The following TFR2 variants were observed in gnomAD, a reference collection of about 807,000 sequenced individuals.
The protein encoded by TFR2 is transferrin receptor protein 2.
Under a neutral mutation model 91.9 loss-of-function variants are expected in TFR2, and 64 were observed. That is an observed-to-expected ratio of 0.70 (90% CI 0.57 to 0.86). TFR2 has a LOEUF of 0.86. Among genes scored for constraint, TFR2 ranks in the 40% least tolerant of loss-of-function variants. TFR2 has a pLI of 0.00. For missense variants in TFR2, 950 were observed against 1,080.5 expected, an observed-to-expected ratio of 0.88 and a Z score of 1.69; for synonymous variants, 454 against 459.6, an observed-to-expected ratio of 0.99 and a Z score of 0.15.
rs912723491 is a variant in TFR2 at position 100,641,078 on chromosome 7, G to A, written c.184C>T (p.Leu62=). ...TTTGGCTGCCTGGGTCTAGAGCCCA[G>A]GGGCTCAGGGCCCCTCAGCTCCATG... ...CPMELRGPEP[L]GSRPRQPNLI... is the part of the protein sequence containing the mutation. The change falls in exon 2 of 18, where the codon CTG becomes TTG. Residue 62 remains leucine, a synonymous_variant. Transcript: ENST00000223051. 6.2e-6 allele frequency: 10 copies of A among 1,602,160 alleles called. No homozygotes were observed. The African/African-American group carries it at 1.3e-4, about 22-fold the overall frequency.
At chr7:100,631,135 TC>T in intron 8 of TFR2, 83 bp from the exon 9 acceptor site, 1 of 1,392,866 alleles carries the variant, frequency 7.2e-7, no homozygotes. Context: ...TTTCTTTCCC[TC>T]CCACCCTTTC....
At chr7:100,621,736 C>T (rs1205914248) in intron 17 of TFR2, among the ~76,000 whole-genome samples, 2 of 152,150 alleles carry the variant, frequency 1.3e-5, no homozygotes, top group Admixed American at 6.5e-5. Flanking sequence ...AGCCCAGAGA[C>T]GAAGGTCAAG....
At chr7:100,629,427 G>C (rs527570302) in intron 9 of TFR2, 55 bp from the exon 10 acceptor site, 6 of 1,609,230 alleles carry the variant, frequency 3.7e-6, no homozygotes, top group Non-Finnish European at 5.1e-6. Context: ...CACCCTGGGG[G>C]CATCCTCCAT....
chr7:100,621,987 G>A lies in TFR2; in HGVS notation c.2137-861C>T, dbSNP rs530122152. Among the ~76,000 whole-genome samples the A allele has an allele frequency of 9.5e-4, 144 of 152,186 alleles. 2 individuals carry two copies. Among genetic ancestry groups the A allele is most frequent in the East Asian group, 6.0e-3 (31 of 5,180 alleles). ...ATTAAATTATCATTGCCTGGGCACC[G>A]CCCCAGTAAAATCAGAATCTCTAGG... is the stretch of plus-strand genomic sequence containing the variant. On this transcript the variant is annotated intron_variant, in intron 17 of 17. Transcript: ENST00000223051.
At chr7:100,639,523 G>A (rs1455905603) in intron 3 of TFR2, among the ~76,000 whole-genome samples, 3 of 151,216 alleles carry the variant, frequency 2.0e-5, no homozygotes, top group African/African-American at 4.9e-5. Flanking sequence ...AATAGGCAAG[G>A]ATACCTACTG....
At chr7:100,639,200 T>C (rs1277506508) in intron 3 of TFR2, among the ~76,000 whole-genome samples, 2 of 152,070 alleles carry the variant, frequency 1.3e-5, no homozygotes, top group East Asian at 3.9e-4. Flanking sequence ...ACCCTGTCTC[T>C]ACTAAAAAAT....
At chr7:100,627,128 G>A (rs1243543601) in intron 16 of TFR2, 136 bp downstream of exon 16, 7 of 1,243,800 alleles carry the variant, frequency 5.6e-6, no homozygotes, top group East Asian at 2.5e-5. Context: ...CTGGGAGACT[G>A]GAGGCAGGGG....
chr7:100,626,278 C>T lies in TFR2; in HGVS notation c.2136+485G>A, dbSNP rs370371027. ...GGAATAAGCTCTTGTTTAACTTTCACGTGACACCTCCTCCAGGCAGCCTTT... is the reference window on the plus strand; with the variant it reads ...GGAATAAGCTCTTGTTTAACTTTCATGTGACACCTCCTCCAGGCAGCCTTT... On this transcript the variant is annotated intron_variant, in intron 17 of 17. Coordinates refer to ENST00000223051, the MANE Select transcript of TFR2 (RefSeq NM_003227.4). Among the ~76,000 whole-genome samples the T allele has an allele frequency of 4.6e-5, 7 of 152,246 alleles. No homozygotes were observed. In the East Asian group the frequency reaches 1.3e-3, roughly 29 times the overall value.
intron 3 of TFR2, among the ~76,000 whole-genome samples, chr7:100,637,538 G>C (rs1431618556): frequency 6.6e-6 from 1 of 152,188 alleles, no homozygotes; most frequent in African/African-American, 2.4e-5. Context: ...AGGTTACAGT[G>C]AGCTAAGATC....
At chr7:100,626,929 G>C in intron 16 of TFR2, 26 bp from the exon 17 acceptor site, 1 of 1,531,136 alleles carries the variant, frequency 6.5e-7, no homozygotes, top group Non-Finnish European at 8.8e-7. Flanking sequence ...GCGGGCTGGG[G>C]CTGGCGGCAG....
chr7:100,632,429 C>T (rs1006943306), intron 6 of TFR2, among the ~76,000 whole-genome samples: 5 of 152,100 alleles, frequency 3.3e-5, no homozygotes, highest in African/African-American at 2.4e-5. Flanking sequence ...ATCTGATTTC[C>T]CCCAACACCC....
At chr7:100,633,697 GCTTTTTT>G in intron 3 of TFR2, 141 bp from the exon 4 acceptor site, 1 of 859,588 alleles carries the variant, frequency 1.2e-6, no homozygotes, top group Non-Finnish European at 1.6e-6. Context: ...CCCCGCGGAC[GCTTTTTT>G]TTTTTTTTTT....
Position 100,627,926 on chromosome 7 carries a change from A to T in TFR2, c.1586T>A (p.Ile529Asn). Residue 529 changes from isoleucine to asparagine, a missense_variant, in exon 13 of 18, where the codon ATT (isoleucine) becomes AAT (asparagine). Ile to Asn is a moderately radical substitution (Grantham distance 149, BLOSUM62 -3). Transcript: ENST00000223051. ...TCTTGCCTGCTTCAGGACACTCTCA[A>T]TGAGACTTGTCAGAAGGGGGCTGGT... The part of the protein sequence containing the change: ...AKTSPLLTSL[I>N]ESVLKQVDSP... 2 of 1,613,932 alleles carry T rather than the reference A, an allele frequency of 1.2e-6. No homozygotes were observed. The highest frequency in any genetic ancestry group is 1.7e-6 in the Non-Finnish European group (2 of 1,179,962).
intron 3 of TFR2, among the ~76,000 whole-genome samples, chr7:100,637,815 A>C (rs1272655584): frequency 7.8e-6 from 1 of 127,554 alleles, no homozygotes; most frequent in Non-Finnish European, 1.6e-5. Context: ...CCTGTCTCAA[A>C]AAAAAATTAA....
At chr7:100,641,274 G>A (rs1185710536) in intron 1 of TFR2, 46 bp from the exon 2 acceptor site, 11 of 1,529,810 alleles carry the variant, frequency 7.2e-6, no homozygotes, top group South Asian at 1.2e-5. Context: ...AGGCCTGGGG[G>A]GTGGGGAGGC....
chr7:100,629,185 C>T lies in TFR2; in HGVS notation c.1390+68G>A, dbSNP rs1803356495. The stretch of plus-strand genomic sequence containing the variant: ...GTCTGTGTCCCTCACTGCCTCTCTG[C>T]CCTATCCTCCTCGGGCCACAGGCCC... On this transcript the variant is annotated intron_variant, in intron 10 of 17. Transcript: ENST00000223051. 9 of 1,598,888 alleles carry T rather than the reference C, an allele frequency of 5.6e-6. No individual in the cohort carries two copies. The Admixed American group carries it at 1.5e-4, about 27-fold the overall frequency.
chr7:100,621,214 TG>T, intron 17 of TFR2, 88 bp from the exon 18 acceptor site: 1 of 1,383,996 alleles, frequency 7.2e-7, no homozygotes, highest in Non-Finnish European at 9.5e-7. Context: ...CCAGTCTTTT[TG>T]TTTTTTTGTT....
intron 17 of TFR2, among the ~76,000 whole-genome samples, chr7:100,624,322 G>A (rs1168617667): frequency 1.3e-5 from 2 of 152,068 alleles, no homozygotes; most frequent in South Asian, 2.1e-4. Flanking sequence ...TGCCACACCC[G>A]AATTCTGGTC....
Position 100,640,756 on chromosome 7 carries a change from G to A in TFR2, c.403C>T (p.Leu135Phe). The A allele has an allele frequency of 6.2e-7, 1 of 1,614,128 alleles. No individual in the cohort carries two copies. Among genetic ancestry groups the A allele is most frequent in the Middle Eastern group, 1.6e-4 (1 of 6,062 alleles). ...ATGGCCTGGAGGTCGCTCCAGTAGAGTCTGCCCTGGTGGAAATCCAGGTCA... is the reference window on the plus strand; with the variant it reads ...ATGGCCTGGAGGTCGCTCCAGTAGAATCTGCCCTGGTGGAAATCCAGGTCA... ...EPDLDFHQGR[L>F]YWSDLQAMFL... The change falls in exon 3 of 18, where the codon CTC becomes TTC. Residue 135 changes from leucine (L) to phenylalanine (F), a missense_variant. Leu to Phe is a conservative substitution (Grantham distance 22). Coordinates refer to ENST00000223051, the MANE Select transcript of TFR2 (RefSeq NM_003227.4).
Sources: gnomAD v4.1 joint callset for allele counts (sites outside exome capture counted in the v4.1 genomes callset) on GRCh38, gnomAD v4.1.1 for gene constraint, MANE v1.5 for transcripts, NCBI Gene and HGNC (gene_info 2026-07-23, HGNC 2026-07-21) for gene names.